RBPJ: variants seen among roughly 807,000 people sequenced by gnomAD.
RBPJ encodes recombination signal binding protein for immunoglobulin kappa J region, also known as recombining binding protein suppressor of hairless.
Under a neutral mutation model 67.8 loss-of-function variants are expected in RBPJ, and 9 were observed. The ratio of observed to expected loss-of-function variants is 0.13; its 90% CI spans 0.08 to 0.23. The LOEUF (loss-of-function observed/expected upper bound fraction) is 0.23. Ranked by LOEUF, RBPJ falls within the 10% of genes least tolerant of loss-of-function variation. RBPJ has a pLI of 1.00. For synonymous variants in RBPJ, 198 were observed against 203.3 expected, an observed-to-expected ratio of 0.97 and a Z score of 0.22; for missense variants, 305 against 595.6, an observed-to-expected ratio of 0.51 and a Z score of 5.08.
intron 1 of RBPJ, among the ~76,000 whole-genome samples, chr4:26,352,767 C>G (rs1001492330): frequency 2.1e-4 from 32 of 152,200 alleles, no homozygotes; most frequent in Admixed American, 2.1e-3. Flanking sequence ...TCTGGTAGGA[C>G]CATGGGTACT....
At chr4:26,118,478 G>T in the RBPJ span, among the ~76,000 whole-genome samples, 1 of 152,174 alleles carries the variant, frequency 6.6e-6, no homozygotes, top group South Asian at 2.1e-4. Context: ...CTCCTCTCCA[G>T]GACTGTAGGC....
intron 2 of RBPJ, among the ~76,000 whole-genome samples, chr4:26,404,227 GTTGT>G (rs1289471212): frequency 6.6e-6 from 1 of 151,936 alleles, no homozygotes; most frequent in African/African-American, 2.4e-5. Flanking sequence ...TTTTAATGGG[GTTGT>G]TTGTTTTTTT....
intron 1 of RBPJ, among the ~76,000 whole-genome samples, chr4:26,248,058 C>G (rs1181051716): frequency 6.6e-6 from 1 of 152,130 alleles, no homozygotes; most frequent in Non-Finnish European, 1.5e-5. Flanking sequence ...CTTTGGGAAG[C>G]TGAGGCGGGG....
chr4:26,320,440 C>T (rs1229284857), upstream of RBPJ: 2 of 366,650 alleles, frequency 5.5e-6, no homozygotes, highest in Non-Finnish European at 9.9e-6. Flanking sequence ...TTGCCCGAAC[C>T]CCAGACATCT....
At chr4:26,297,582 G>A (rs1042635184) in intron 1 of RBPJ, among the ~76,000 whole-genome samples, 6 of 151,840 alleles carry the variant, frequency 4.0e-5, no homozygotes, top group East Asian at 3.9e-4. Flanking sequence ...TCCAAGTGGC[G>A]ACTGGCTAAA....
At chr4:26,319,773 T>G, upstream of RBPJ, 2 of 1,150,010 alleles carry the variant, frequency 1.7e-6, no homozygotes, top group Non-Finnish European at 2.6e-6. Context: ...TTCAACAGGT[T>G]TCGGGCGGCG....
intron 2 of RBPJ, among the ~76,000 whole-genome samples, chr4:26,394,389 G>C (rs1731886656): frequency 6.6e-6 from 1 of 151,630 alleles, no homozygotes; most frequent in Admixed American, 6.6e-5. Flanking sequence ...GATAGGAATA[G>C]AGTGTTGGCT....
chr4:26,115,441 G>A, the RBPJ span, among the ~76,000 whole-genome samples: 2 of 151,914 alleles, frequency 1.3e-5, no homozygotes, highest in African/African-American at 4.8e-5. Context: ...CTGGAGTGCA[G>A]TGGCGCGATC....
At chr4:26,251,353 A>G (rs1313960505) in intron 1 of RBPJ, among the ~76,000 whole-genome samples, 1 of 152,140 alleles carries the variant, frequency 6.6e-6, no homozygotes, top group African/African-American at 2.4e-5. Flanking sequence ...AAAAGACTCC[A>G]GGCAGGGTGC....
At chr4:26,323,858 T>A (rs1333894548) in intron 1 of RBPJ, among the ~76,000 whole-genome samples, 3 of 152,320 alleles carry the variant, frequency 2.0e-5, no homozygotes, top group Non-Finnish European at 2.9e-5. Flanking sequence ...TTATTATACA[T>A]CTCATTCTTC....
At chr4:26,200,874 A>C (rs1476230764) in intron 1 of RBPJ, among the ~76,000 whole-genome samples, 4 of 152,090 alleles carry the variant, frequency 2.6e-5, no homozygotes, top group Non-Finnish European at 5.9e-5. Flanking sequence ...TATTTATCAC[A>C]TCAAGCTGTA....
the RBPJ span, among the ~76,000 whole-genome samples, chr4:26,120,164 G>C: frequency 6.6e-6 from 1 of 152,340 alleles, no homozygotes; most frequent in African/African-American, 2.4e-5. Context: ...GTCAGCAGTA[G>C]TAGTAGACAT....
intron 1 of RBPJ, among the ~76,000 whole-genome samples, chr4:26,333,503 T>G (rs1159416273): frequency 6.6e-6 from 1 of 152,208 alleles, no homozygotes; most frequent in East Asian, 1.9e-4. Flanking sequence ...AGTAGCGTAA[T>G]GTATCTTTAG....
At chr4:26,343,538 T>C (rs576361906) in intron 1 of RBPJ, among the ~76,000 whole-genome samples, 3 of 151,242 alleles carry the variant, frequency 2.0e-5, no homozygotes, top group African/African-American at 7.3e-5. Context: ...AAAATACAGG[T>C]TGTTTGTTTG....
At chr4:26,428,983 T>C (rs1735951051) in intron 8 of RBPJ, 123 bp downstream of exon 8, 2 of 699,922 alleles carry the variant, frequency 2.9e-6, no homozygotes, top group Non-Finnish European at 4.8e-6. Context: ...TACACAGATA[T>C]TTATCTCAGG....
chr4:26,158,945 T>TCTCTCTCTCTCTCTCTCTC (rs1716025420), upstream of RBPJ, among the ~76,000 whole-genome samples: 1 of 136,732 alleles, frequency 7.3e-6, no homozygotes, highest in Non-Finnish European at 1.6e-5. Context: ...CTCTCTCTCT[T>TCTCTCTCTCTCTCTCTCTC]TCTCTCTCTC....
intron 1 of RBPJ, among the ~76,000 whole-genome samples, chr4:26,181,428 C>G (rs1375572315): frequency 6.6e-6 from 1 of 152,228 alleles, no homozygotes; most frequent in Non-Finnish European, 1.5e-5. Context: ...AATGCGATAG[C>G]CTTCCTCCCT....
intron 1 of RBPJ, among the ~76,000 whole-genome samples, chr4:26,344,819 T>C (rs1368742861): frequency 1.3e-5 from 2 of 152,132 alleles, no homozygotes; most frequent in Non-Finnish European, 2.9e-5. Context: ...TATTTGCAAA[T>C]CTCTGAACTG....
At chr4:26,315,167 A>AAAAT (rs1325689348), upstream of RBPJ, among the ~76,000 whole-genome samples, 209 of 74,692 alleles carry the variant, frequency 2.8e-3, 2 homozygotes, top group Non-Finnish European at 3.8e-3. Flanking sequence ...AAAAAAAAAA[A>AAAAT]ATATATATAT....
Sources: allele counts gnomAD v4.1 joint callset (sites outside exome capture counted in the v4.1 genomes callset), GRCh38; gene constraint gnomAD v4.1.1; transcripts MANE v1.5; gene names NCBI Gene and HGNC (gene_info 2026-07-23, HGNC 2026-07-21).